Variants in HEMK2 observed in about 807,000 individuals in gnomAD.
HEMK2 encodes HemK methyltransferase 2, ETF1 glutamine and histone H4 lysine, also known as methyltransferase HEMK2.
the HEMK2 span, among the ~76,000 whole-genome samples, chr21:28,749,865 G>A: frequency 6.6e-6 from 1 of 152,234 alleles, no homozygotes; most frequent in East Asian, 1.9e-4. Context: ...GCCATGTAAT[G>A]TTGACATTCA....
At chr21:28,796,031 G>A in the HEMK2 span, among the ~76,000 whole-genome samples, 2 of 152,158 alleles carry the variant, frequency 1.3e-5, no homozygotes, top group East Asian at 3.8e-4. Flanking sequence ...TGTTTTCTCT[G>A]AAAACAAATG....
chr21:28,809,350 G>A, the HEMK2 span, among the ~76,000 whole-genome samples: 5 of 152,082 alleles, frequency 3.3e-5, no homozygotes, highest in African/African-American at 4.8e-5. Context: ...TCAAATGATC[G>A]GCTACTGAGT....
the HEMK2 span, among the ~76,000 whole-genome samples, chr21:28,722,396 T>C: frequency 6.6e-6 from 1 of 152,208 alleles, no homozygotes; most frequent in Non-Finnish European, 1.5e-5. Flanking sequence ...GGCAGAAATG[T>C]GCTAAATAAA....
the HEMK2 span, among the ~76,000 whole-genome samples, chr21:28,825,439 G>A: frequency 6.6e-6 from 1 of 152,176 alleles, no homozygotes; most frequent in Non-Finnish European, 1.5e-5. Context: ...TTGGCACTAG[G>A]GAGCTAGCAG....
the HEMK2 span, among the ~76,000 whole-genome samples, chr21:28,779,951 A>AT: frequency 6.6e-6 from 1 of 152,056 alleles, no homozygotes; most frequent in Non-Finnish European, 1.5e-5. Flanking sequence ...TTGCTACATT[A>AT]TTTTTTATTA....
the HEMK2 span, among the ~76,000 whole-genome samples, chr21:28,686,147 G>A: frequency 6.6e-6 from 1 of 152,176 alleles, no homozygotes; most frequent in South Asian, 2.1e-4. Flanking sequence ...GTGAAGGAGA[G>A]AATCTGTTAT....
At chr21:28,823,968 C>T in the HEMK2 span, among the ~76,000 whole-genome samples, 1 of 152,304 alleles carries the variant, frequency 6.6e-6, no homozygotes, top group Non-Finnish European at 1.5e-5. Context: ...TCCTGAATCC[C>T]ACCCCAGATC....
At chr21:28,834,690 A>G in the HEMK2 span, among the ~76,000 whole-genome samples, 1 of 152,194 alleles carries the variant, frequency 6.6e-6, no homozygotes, top group Non-Finnish European at 1.5e-5. Flanking sequence ...CAGACTCCAA[A>G]GGCAAGGGAA....
chr21:28,864,287 T>C, the HEMK2 span, among the ~76,000 whole-genome samples: 1 of 152,190 alleles, frequency 6.6e-6, no homozygotes, highest in African/African-American at 2.4e-5. Context: ...GAGAGAGAGC[T>C]ATAAAACCAA....
the HEMK2 span, among the ~76,000 whole-genome samples, chr21:28,758,731 G>A: frequency 5.3e-5 from 8 of 152,174 alleles, no homozygotes; most frequent in Non-Finnish European, 1.2e-4. Context: ...CCTCAGGCAT[G>A]AAAATAACAT....
At chr21:28,856,940 C>G in the HEMK2 span, among the ~76,000 whole-genome samples, 1 of 152,186 alleles carries the variant, frequency 6.6e-6, no homozygotes, top group Non-Finnish European at 1.5e-5. Context: ...GGCAGGAGAT[C>G]TGTTCATTCC....
At chr21:28,761,901 A>G in the HEMK2 span, among the ~76,000 whole-genome samples, 1 of 152,138 alleles carries the variant, frequency 6.6e-6, no homozygotes, top group Non-Finnish European at 1.5e-5. Context: ...AAGAGTTTGA[A>G]GCCAAACCAC....
chr21:28,698,626 C>CA, the HEMK2 span, among the ~76,000 whole-genome samples: 1 of 151,962 alleles, frequency 6.6e-6, no homozygotes, highest in South Asian at 2.1e-4. Context: ...TAAATAAGAT[C>CA]AAAAAACTGC....
At chr21:28,823,630 A>G in the HEMK2 span, among the ~76,000 whole-genome samples, 1 of 152,182 alleles carries the variant, frequency 6.6e-6, no homozygotes, top group Non-Finnish European at 1.5e-5. Flanking sequence ...TCTGAGCACT[A>G]TAGAGATGTA....
the HEMK2 span, among the ~76,000 whole-genome samples, chr21:28,592,647 T>A: frequency 6.6e-6 from 1 of 152,222 alleles, no homozygotes; most frequent in African/African-American, 2.4e-5. Context: ...GGGGACTCAT[T>A]TCCTGGTCTT....
At chr21:28,585,141 G>A in the HEMK2 span, among the ~76,000 whole-genome samples, 107,373 of 151,752 alleles carry the variant, frequency 0.71, 38,699 homozygotes, top group South Asian at 0.79. Context: ...AGACCAGCCT[G>A]TCCAACATGG....
chr21:28,856,266 T>C, the HEMK2 span, among the ~76,000 whole-genome samples: 1 of 151,988 alleles, frequency 6.6e-6, no homozygotes, highest in Admixed American at 6.6e-5. Flanking sequence ...ATTACAAAAA[T>C]TAGCCAGGAG....
At chr21:28,678,653 G>C in the HEMK2 span, among the ~76,000 whole-genome samples, 1 of 152,174 alleles carries the variant, frequency 6.6e-6, no homozygotes, top group Non-Finnish European at 1.5e-5. Context: ...AGAAAGGTCG[G>C]GTAACCCACA....
chr21:28,773,590 C>G, the HEMK2 span, among the ~76,000 whole-genome samples: 1 of 152,146 alleles, frequency 6.6e-6, no homozygotes, highest in Non-Finnish European at 1.5e-5. Context: ...AACAGGTACT[C>G]TCCTAGTAAT....
Sources: allele counts gnomAD v4.1 joint callset (sites outside exome capture counted in the v4.1 genomes callset), GRCh38; gene constraint gnomAD v4.1.1; transcripts MANE v1.5; gene names NCBI Gene and HGNC (gene_info 2026-07-23, HGNC 2026-07-21).